Variants in USP10 observed in about 807,000 individuals in gnomAD.
The protein encoded by USP10 is ubiquitin specific peptidase 10, also known as ubiquitin carboxyl-terminal hydrolase 10.
Under a neutral mutation model 84.5 loss-of-function variants are expected in USP10, and 22 were observed. That is an observed-to-expected ratio of 0.26 (90% CI 0.19 to 0.37). The LOEUF is 0.37. Ranked by LOEUF, USP10 falls within the 10% of genes least tolerant of loss-of-function variation. USP10 has a pLI of 1.00. For missense variants in USP10, 1,019 were observed against 998.9 expected (o/e 1.02, Z -0.27); for synonymous variants, 454 against 387.6 (o/e 1.17, Z -2.01).
At chr16:84,752,348 C>T (rs1001708658) in intron 4 of USP10, among the ~76,000 whole-genome samples, 1 of 152,130 alleles carries the variant, frequency 6.6e-6, no homozygotes, top group African/African-American at 2.4e-5. Flanking sequence ...GTTATTAGAG[C>T]CAACTTCTAT....
chr16:84,769,244 T>G (rs1169273795), intron 11 of USP10, among the ~76,000 whole-genome samples: 2 of 152,226 alleles, frequency 1.3e-5, no homozygotes, highest in Non-Finnish European at 2.9e-5. Context: ...ATGACTGGGA[T>G]GGATCTATCC....
intron 1 of USP10, among the ~76,000 whole-genome samples, chr16:84,723,506 C>T (rs542536665): frequency 1.3e-5 from 2 of 152,148 alleles, no homozygotes; most frequent in East Asian, 1.9e-4. Context: ...AGCCCACTGA[C>T]GCCTGGGAAG....
At chr16:84,722,566 A>T (rs1280733075) in intron 1 of USP10, among the ~76,000 whole-genome samples, 6 of 152,004 alleles carry the variant, frequency 3.9e-5, no homozygotes, top group Non-Finnish European at 8.8e-5. Context: ...TGATATTGTC[A>T]GTCTTCTTTT....
chr16:84,777,620 G>C (rs1270178906), intron 13 of USP10, among the ~76,000 whole-genome samples: 3 of 152,208 alleles, frequency 2.0e-5, no homozygotes, highest in African/African-American at 7.2e-5. Context: ...CCTGCACAGA[G>C]GATTTCTTTG....
intron 1 of USP10, among the ~76,000 whole-genome samples, chr16:84,708,049 G>C (rs544254723): frequency 1.3e-5 from 2 of 152,256 alleles, no homozygotes; most frequent in South Asian, 2.1e-4. Flanking sequence ...CTGCACTTCA[G>C]CTTGGGTGAC....
At chr16:84,754,790 T>TTG (rs1364981392) in intron 4 of USP10, among the ~76,000 whole-genome samples, 1 of 152,162 alleles carries the variant, frequency 6.6e-6, no homozygotes, top group Non-Finnish European at 1.5e-5. Context: ...TGCATAGAGA[T>TTG]TGAATGGTCA....
intron 2 of USP10, among the ~76,000 whole-genome samples, chr16:84,738,382 G>A (rs1910201912): frequency 6.6e-6 from 1 of 152,176 alleles, no homozygotes; most frequent in Non-Finnish European, 1.5e-5. Flanking sequence ...GGGCATCCTA[G>A]TGTCATTAAC....
At chr16:84,748,755 G>T (rs1205696253) in intron 4 of USP10, among the ~76,000 whole-genome samples, 1 of 152,246 alleles carries the variant, frequency 6.6e-6, no homozygotes, top group East Asian at 1.9e-4. Flanking sequence ...TTTAAATATA[G>T]TTTGATAAAT....
intron 2 of USP10, among the ~76,000 whole-genome samples, chr16:84,737,638 G>T (rs1910101460): frequency 6.6e-6 from 1 of 152,196 alleles, no homozygotes; most frequent in African/African-American, 2.4e-5. Flanking sequence ...GTGTCATCTG[G>T]GAGTTTGCTG....
At chr16:84,750,850 G>A (rs750344954) in intron 4 of USP10, among the ~76,000 whole-genome samples, 2 of 152,278 alleles carry the variant, frequency 1.3e-5, no homozygotes, top group South Asian at 2.1e-4. Flanking sequence ...AAAACATTGC[G>A]TTGAGGTATC....
intron 7 of USP10, 113 bp downstream of exon 7, chr16:84,760,059 C>G: frequency 1.3e-6 from 2 of 1,506,092 alleles, no homozygotes; most frequent in Non-Finnish European, 1.8e-6. Flanking sequence ...TACACCTATG[C>G]CATTCTCAAC....
intron 3 of USP10, 66 bp from the exon 4 acceptor site, chr16:84,744,563 AAGTG>A: frequency 7.3e-7 from 1 of 1,371,860 alleles, no homozygotes; most frequent in Non-Finnish European, 9.8e-7. Context: ...TTCAAAGAGA[AAGTG>A]AGTAATTACT....
In USP10 at chr16:84,745,436, A is replaced by G. The variant is rs1911108295; in HGVS notation, c.955A>G (p.Ser319Gly). The change falls in exon 4 of 14, where the codon AGT becomes GGT. Residue 319 changes from serine (S) to glycine (G), a missense_variant. Ser to Gly is a moderately conservative substitution (Grantham distance 56). This residue lies in a region of USP10 where 787 missense variants were observed against 708.8 expected (regional missense o/e 1.11). Transcript: ENST00000219473. ...SIDLDPTKPE[S>G]ASPPADGTGS... ...AGACTTGGACCCAACCAAACCCGAG[A>G]GTGCATCACCTCCTGCTGACGGCAC... The G allele has an allele frequency of 6.2e-7, 1 of 1,613,810 alleles. No homozygotes were observed.
At chr16:84,773,172 G>T (rs1013030262) in intron 12 of USP10, among the ~76,000 whole-genome samples, 2 of 152,082 alleles carry the variant, frequency 1.3e-5, no homozygotes, top group African/African-American at 4.8e-5. Context: ...GGCACTTTTT[G>T]AAAGCAATTT....
At chr16:84,731,354 G>A (rs758662393) in intron 1 of USP10, among the ~76,000 whole-genome samples, 8 of 151,506 alleles carry the variant, frequency 5.3e-5, no homozygotes, top group Non-Finnish European at 8.8e-5. Context: ...GAGTAGCCAC[G>A]TTTCTACTAT....
At chr16:84,748,902 T>G (rs1911569279) in intron 4 of USP10, among the ~76,000 whole-genome samples, 2 of 152,234 alleles carry the variant, frequency 1.3e-5, no homozygotes, top group Admixed American at 1.3e-4. Flanking sequence ...TGTGTGGACA[T>G]ATTGTAAACC....
At chr16:84,721,311 C>A (rs747283732) in intron 1 of USP10, among the ~76,000 whole-genome samples, 1 of 152,144 alleles carries the variant, frequency 6.6e-6, no homozygotes, top group East Asian at 1.9e-4. Flanking sequence ...AAGAATTCTT[C>A]TTCCGTAGAT....
At chr16:84,719,309 C>G (rs1352210398) in intron 1 of USP10, among the ~76,000 whole-genome samples, 1 of 152,184 alleles carries the variant, frequency 6.6e-6, no homozygotes, top group African/African-American at 2.4e-5. Context: ...CTCCTGTTTT[C>G]TGCTTAGTTT....
At chr16:84,733,092 G>C (rs1484690935) in intron 1 of USP10, 1 of 464,850 alleles carries the variant, frequency 2.2e-6, no homozygotes, top group East Asian at 6.7e-5. Context: ...GTAGTGGCAT[G>C]AGTCAGCAGA....
Sources: allele counts gnomAD v4.1 joint callset (sites outside exome capture counted in the v4.1 genomes callset), GRCh38; gene constraint gnomAD v4.1.1; regional missense constraint gnomAD v4.1.1; transcripts MANE v1.5; gene names NCBI Gene and HGNC (gene_info 2026-07-23, HGNC 2026-07-21).